CREB5: variants seen among roughly 807,000 people sequenced by gnomAD.
The protein encoded by CREB5 is cAMP responsive element binding protein 5.
In CREB5, 19 loss-of-function variants were observed where a neutral mutation model predicts 57.1. The observed-to-expected ratio is 0.33, with a 90% CI of 0.23 to 0.49. CREB5 has a LOEUF of 0.49. Among genes scored for constraint, CREB5 ranks in the 20% least tolerant of loss-of-function variants. The probability of loss-of-function intolerance (pLI) is 0.99; values close to 1 mark genes in which losing one functional copy is unlikely to be tolerated. For synonymous variants in CREB5, 238 were observed against 238.3 expected (o/e 1.00, Z 0.01); for missense variants, 579 against 671.6 (o/e 0.86, Z 1.52).
intron 5 of CREB5, among the ~76,000 whole-genome samples, chr7:28,664,717 A>G (rs1799746629): frequency 6.6e-6 from 1 of 152,220 alleles, no homozygotes; most frequent in East Asian, 1.9e-4. Flanking sequence ...ACCAAGATTC[A>G]TAAAAGATTA....
At chr7:28,306,328 T>C (rs1296027018) in intron 1 of CREB5, among the ~76,000 whole-genome samples, 2 of 152,182 alleles carry the variant, frequency 1.3e-5, no homozygotes, top group Non-Finnish European at 2.9e-5. Context: ...GGATAATAGC[T>C]TGTGAACCAT....
At chr7:28,624,624 G>T (rs555139173) in intron 5 of CREB5, among the ~76,000 whole-genome samples, 18 of 144,626 alleles carry the variant, frequency 1.2e-4, no homozygotes, top group Non-Finnish European at 4.5e-5. Context: ...TGTCTAAGTT[G>T]AACATTTTTC....
chr7:28,440,426 T>C (rs2128560251), intron 1 of CREB5, among the ~76,000 whole-genome samples: 1 of 152,304 alleles, frequency 6.6e-6, no homozygotes, highest in East Asian at 1.9e-4. Context: ...CTTCAGTTAA[T>C]ATCACATGCT....
In CREB5 at chr7:28,471,528, A is replaced by G. The variant is rs115894862; in HGVS notation, c.4-16647A>G. 5.1e-3 allele frequency among the ~76,000 whole-genome samples: 777 copies of G among 152,284 alleles called. 7 individuals carry two copies. The highest frequency in any genetic ancestry group is 0.018 in the African/African-American group (754 of 41,566). ...TTTTGTGTGAACCCATATACTCTAA[A>G]ACACTACACAGTACTACAGAGCTGG... On this transcript the variant is annotated intron_variant, in intron 1 of 10. Transcript: ENST00000357727.
intron 5 of CREB5, among the ~76,000 whole-genome samples, chr7:28,708,735 G>A (rs7781168): frequency 0.4 from 61,262 of 151,988 alleles, 12,922 homozygotes; most frequent in African/African-American, 0.51. Flanking sequence ...CAGATTATTC[G>A]TTAAAATACA....
chr7:28,465,658 C>T (rs1056109794), intron 1 of CREB5, among the ~76,000 whole-genome samples: 2 of 151,946 alleles, frequency 1.3e-5, no homozygotes, highest in African/African-American at 4.8e-5. Context: ...TCGTCATTGG[C>T]CAAATAAGGG....
At chr7:28,515,672 A>G (rs1183295549) in intron 4 of CREB5, among the ~76,000 whole-genome samples, 1 of 151,994 alleles carries the variant, frequency 6.6e-6, no homozygotes, top group Non-Finnish European at 1.5e-5. Context: ...CTTAGGTCCA[A>G]TCAAATTTCT....
At chr7:28,417,432 A>G (rs1788073434) in intron 1 of CREB5, among the ~76,000 whole-genome samples, 1 of 151,578 alleles carries the variant, frequency 6.6e-6, no homozygotes, top group East Asian at 1.9e-4. Flanking sequence ...TGGACTAGCC[A>G]CATTTCAAGT....
At position 28,494,811 on chromosome 7, in the gene CREB5, T is replaced by A. The variant is rs542191846; in HGVS notation, c.76-95T>A. On this transcript the variant is annotated intron_variant, in intron 2 of 10. Coordinates refer to ENST00000357727, the MANE Select transcript of CREB5 (RefSeq NM_182898.4). ...TTTGTTTTGCCTGTCATGTTTGCAATGCTAAATAAGTCTTTTTCTCAATAA... is the reference window on the plus strand; with the variant it reads ...TTTGTTTTGCCTGTCATGTTTGCAAAGCTAAATAAGTCTTTTTCTCAATAA... 1.9e-5 allele frequency: 14 copies of A among 737,546 alleles called. No individual in the cohort carries two copies. The South Asian group carries it at 2.4e-4, about 13-fold the overall frequency. 45.7% of individuals were successfully genotyped at this position (737,546 alleles called of 1,614,324 possible). A position where few individuals can be genotyped will look rare whatever the true frequency, so the allele number is the denominator to read the frequency against.
intron 1 of CREB5, among the ~76,000 whole-genome samples, chr7:28,342,013 G>A (rs1456207880): frequency 6.6e-6 from 1 of 152,196 alleles, no homozygotes; most frequent in Non-Finnish European, 1.5e-5. Context: ...AGTAAATGTG[G>A]TTGGAAGACA....
At chr7:28,644,013 G>T (rs1011840294) in intron 5 of CREB5, among the ~76,000 whole-genome samples, 1 of 151,998 alleles carries the variant, frequency 6.6e-6, no homozygotes, top group African/African-American at 2.4e-5. Context: ...AAGAGGTCAA[G>T]GCTACAGTGA....
chr7:28,393,099 T>C (rs143901949), intron 1 of CREB5, among the ~76,000 whole-genome samples: 148 of 152,232 alleles, frequency 9.7e-4, no homozygotes, highest in African/African-American at 3.4e-3. Context: ...TAATTTTATG[T>C]TATTTTTAGT....
chr7:28,521,008 A>T (rs1157061265), intron 4 of CREB5, among the ~76,000 whole-genome samples: 2 of 152,208 alleles, frequency 1.3e-5, no homozygotes, highest in Non-Finnish European at 2.9e-5. Flanking sequence ...TCTCCAGTGT[A>T]GACTATTTAT....
At chr7:28,333,099 T>A (rs1785746730) in intron 1 of CREB5, among the ~76,000 whole-genome samples, 1 of 152,250 alleles carries the variant, frequency 6.6e-6, no homozygotes, top group Admixed American at 6.5e-5. Context: ...TCTTTTAACC[T>A]GAACAGCTAT....
chr7:28,371,650 A>G (rs948266545), intron 1 of CREB5, among the ~76,000 whole-genome samples: 2 of 152,162 alleles, frequency 1.3e-5, no homozygotes, highest in Admixed American at 1.3e-4. Flanking sequence ...CCCTGCTTCT[A>G]CATCCAGGAC....
At chr7:28,372,365 T>A (rs1015674871) in intron 1 of CREB5, among the ~76,000 whole-genome samples, 1 of 152,238 alleles carries the variant, frequency 6.6e-6, no homozygotes, top group African/African-American at 2.4e-5. Flanking sequence ...GACGTCCTGG[T>A]AATTTTAAAA....
intron 7 of CREB5, among the ~76,000 whole-genome samples, chr7:28,729,541 C>T (rs146171446): frequency 6.6e-6 from 1 of 152,292 alleles, no homozygotes; most frequent in African/African-American, 2.4e-5. Flanking sequence ...CCTTGGCCAC[C>T]CACTGTCCAA....
chr7:28,669,473 G>A lies in CREB5; in HGVS notation c.465-49280G>A, dbSNP rs186119918. Reference sequence around the variant, plus strand: ...GCTAAGTTAATAGTACTGTACCAGCGTCAATTTCTCAGTTCTGGTAAATGT... The same window carrying A: ...GCTAAGTTAATAGTACTGTACCAGCATCAATTTCTCAGTTCTGGTAAATGT... On this transcript the variant is annotated intron_variant, in intron 5 of 10. Transcript: ENST00000357727. Among the ~76,000 whole-genome samples, 18 of 152,258 alleles carry A rather than the reference G, an allele frequency of 1.2e-4. No homozygotes were observed. In the East Asian group the frequency reaches 1.9e-3, roughly 16 times the overall value.
rs184570200 is a variant in CREB5 at position 28,394,598 on chromosome 7, G to A, written c.-25+95157G>A. ...TAGTAACAGTTAAGCAGAGGGCTAG[G>A]TGTTCTTAAGAGCCCTTGCTTTTTC... On this transcript the variant is annotated intron_variant, in intron 1 of 9. Transcript: ENST00000396299. 3.3e-4 allele frequency among the ~76,000 whole-genome samples: 50 copies of A among 152,304 alleles called. No individual in the cohort carries two copies. In the East Asian group the frequency reaches 8.3e-3, roughly 25 times the overall value.
Sources: allele counts gnomAD v4.1 joint callset (sites outside exome capture counted in the v4.1 genomes callset), GRCh38; gene constraint gnomAD v4.1.1; transcripts MANE v1.5; gene names NCBI Gene and HGNC (gene_info 2026-07-23, HGNC 2026-07-21).